Variants in SGMS1 observed in about 807,000 individuals in gnomAD.
The protein encoded by SGMS1 is phosphatidylcholine:ceramide cholinephosphotransferase 1.
SGMS1 carries 13 observed loss-of-function variants against 46.2 expected under a neutral mutation model. The observed-to-expected ratio is 0.28, with a 90% CI of 0.18 to 0.45. SGMS1 has a LOEUF of 0.45. SGMS1 is among the 20% of genes least tolerant of loss of function. The pLI, the probability that SGMS1 is intolerant of heterozygous loss-of-function variation, is 1.00. For missense variants in SGMS1, 324 were observed against 519.9 expected (o/e 0.62, Z 3.66); for synonymous variants, 203 against 187.8 (o/e 1.08, Z -0.66).
At chr10:50,501,568 C>A (rs1365724327) in intron 3 of SGMS1, among the ~76,000 whole-genome samples, 1 of 152,138 alleles carries the variant, frequency 6.6e-6, no homozygotes, top group Non-Finnish European at 1.5e-5. Context: ...GCAGGCAATT[C>A]TTGAGCTAAA....
At chr10:50,371,033 CTATCAT>C (rs1848427918) in intron 6 of SGMS1, among the ~76,000 whole-genome samples, 3 of 152,164 alleles carry the variant, frequency 2.0e-5, no homozygotes, top group Non-Finnish European at 4.4e-5. Context: ...GAGCCAAATA[CTATCAT>C]TATCAAGTGT....
At chr10:50,432,257 T>C (rs1287590319) in intron 6 of SGMS1, among the ~76,000 whole-genome samples, 1 of 151,700 alleles carries the variant, frequency 6.6e-6, no homozygotes, top group Non-Finnish European at 1.5e-5. Flanking sequence ...AGTTAAATTA[T>C]ATAAACAAAA....
At chr10:50,380,150 G>A (rs957943596) in intron 6 of SGMS1, among the ~76,000 whole-genome samples, 1 of 152,128 alleles carries the variant, frequency 6.6e-6, no homozygotes, top group Non-Finnish European at 1.5e-5. Flanking sequence ...GGAGGCTGAG[G>A]TGGGCGGATC....
intron 6 of SGMS1, among the ~76,000 whole-genome samples, chr10:50,420,527 T>A (rs1849241863): frequency 6.6e-6 from 1 of 152,208 alleles, no homozygotes; most frequent in Non-Finnish European, 1.5e-5. Context: ...TAAATAATTT[T>A]ATAGTAGAGA....
intron 6 of SGMS1, among the ~76,000 whole-genome samples, chr10:50,352,270 A>G (rs7069860): frequency 0.79 from 120,199 of 151,896 alleles, 47,716 homozygotes; most frequent in East Asian, 1. Flanking sequence ...GTGAGGTAAG[A>G]GTTACTCTTC....
chr10:50,566,946 TGTC>T (rs776281510), intron 2 of SGMS1, among the ~76,000 whole-genome samples: 156 of 152,272 alleles, frequency 1.0e-3, no homozygotes, highest in African/African-American at 3.7e-3. Flanking sequence ...TTGTTGTTGT[TGTC>T]GTTGTTGTTG....
At chr10:50,430,412 T>C (rs966441600) in intron 6 of SGMS1, among the ~76,000 whole-genome samples, 1 of 151,260 alleles carries the variant, frequency 6.6e-6, no homozygotes, top group Non-Finnish European at 1.5e-5. Context: ...ACCAGACCCA[T>C]TTTAGAGGGA....
chr10:50,446,986 T>C (rs1010767016), intron 5 of SGMS1, among the ~76,000 whole-genome samples: 3 of 152,218 alleles, frequency 2.0e-5, no homozygotes, highest in African/African-American at 7.2e-5. Context: ...GTGTTTAATT[T>C]ACACATGTCA....
Position 50,623,889 on chromosome 10 carries a change from C to T in SGMS1, c.-866G>A, listed in dbSNP as rs2131954837. On this transcript the variant is annotated 5_prime_UTR_variant, in exon 1 of 11. Transcript: ENST00000361781. ...TTCTCACTCCCGACCTGCCCGCCGC[C>T]TGCCGCCCGCAGCCGCTGCCCCGCT... 1 of 987,068 alleles carries T rather than the reference C, an allele frequency of 1.0e-6. No individual in the cohort carries two copies. The allele number at this position is 987,068 out of a possible 1,614,324, so 61.1% of individuals were successfully genotyped here.
chr10:50,615,663 T>C (rs140014839), intron 1 of SGMS1, among the ~76,000 whole-genome samples: 2 of 152,342 alleles, frequency 1.3e-5, no homozygotes, highest in African/African-American at 2.4e-5. Flanking sequence ...GAGATACTTA[T>C]GTTTGGGCAC....
intron 6 of SGMS1, among the ~76,000 whole-genome samples, chr10:50,390,127 G>A (rs895185799): frequency 2.1e-4 from 32 of 152,020 alleles, no homozygotes; most frequent in African/African-American, 5.8e-4. Flanking sequence ...AATAATAACC[G>A]ATGGTTAAAA....
At chr10:50,594,805 T>A (rs1588887259) in intron 1 of SGMS1, among the ~76,000 whole-genome samples, 1 of 152,240 alleles carries the variant, frequency 6.6e-6, no homozygotes, top group Non-Finnish European at 1.5e-5. Flanking sequence ...GAGACTCATA[T>A]GTCATGGGAA....
At chr10:50,595,771 G>C (rs1838585951) in intron 1 of SGMS1, among the ~76,000 whole-genome samples, 1 of 152,176 alleles carries the variant, frequency 6.6e-6, no homozygotes, top group Admixed American at 6.5e-5. Context: ...GCCATATTGG[G>C]GGAAGGTATG....
chr10:50,595,920 T>C (rs933073233), intron 1 of SGMS1, among the ~76,000 whole-genome samples: 16 of 152,286 alleles, frequency 1.1e-4, no homozygotes, highest in African/African-American at 3.6e-4. Flanking sequence ...TCAGGCACAA[T>C]GTTTTCCTCT....
chr10:50,409,118 T>C (rs1291142170), intron 6 of SGMS1, among the ~76,000 whole-genome samples: 1 of 152,238 alleles, frequency 6.6e-6, no homozygotes, highest in Non-Finnish European at 1.5e-5. Context: ...TTTTATTTTA[T>C]TGATACACAA....
Position 50,389,994 on chromosome 10 carries a change from C to T in SGMS1, c.-232+43482G>A, listed in dbSNP as rs545545298. On this transcript the variant is annotated intron_variant, in intron 6 of 10. Coordinates refer to ENST00000361781, the MANE Select transcript of SGMS1 (RefSeq NM_147156.4). ...CTTTACGTGTTTGAAAACAGCACTGCCTATTGTTGAAAATATTCCATAATA... is the reference window on the plus strand; with the variant it reads ...CTTTACGTGTTTGAAAACAGCACTGTCTATTGTTGAAAATATTCCATAATA... Among the ~76,000 whole-genome samples, 5 of 152,232 alleles carry T rather than the reference C, an allele frequency of 3.3e-5. No homozygotes were observed. The South Asian group carries it at 1.0e-3, about 32-fold the overall frequency.
At chr10:50,344,418 A>C (rs1589395668) in intron 6 of SGMS1, 73 bp from the exon 7 acceptor site, 1 of 282,892 alleles carries the variant, frequency 3.5e-6, no homozygotes, top group East Asian at 6.3e-5. Flanking sequence ...AGCCTTATAT[A>C]CATAAGGAAA....
At chr10:50,620,255 T>C (rs573644220) in intron 1 of SGMS1, among the ~76,000 whole-genome samples, 2 of 152,360 alleles carry the variant, frequency 1.3e-5, no homozygotes, top group South Asian at 2.1e-4. Flanking sequence ...GGTAGCTTAA[T>C]GGAGGTAACA....
At chr10:50,366,255 G>A (rs962175864) in intron 6 of SGMS1, among the ~76,000 whole-genome samples, 1 of 152,128 alleles carries the variant, frequency 6.6e-6, no homozygotes, top group Non-Finnish European at 1.5e-5. Context: ...CCATCAAAAA[G>A]TGGGCAAAGC....
Sources: allele counts gnomAD v4.1 joint callset (sites outside exome capture counted in the v4.1 genomes callset), GRCh38; gene constraint gnomAD v4.1.1; transcripts MANE v1.5; gene names NCBI Gene and HGNC (gene_info 2026-07-23, HGNC 2026-07-21).